The following PDE10A variants were observed in gnomAD, a reference collection of about 807,000 sequenced individuals.
PDE10A encodes phosphodiesterase 10A.
In PDE10A, 39 loss-of-function variants were observed where a neutral mutation model predicts 97.7. The observed-to-expected ratio is 0.40, with a 90% CI of 0.31 to 0.52. PDE10A has a LOEUF of 0.52. Among genes scored for constraint, PDE10A ranks in the 20% least tolerant of loss-of-function variants. The pLI, the probability that PDE10A is intolerant of heterozygous loss-of-function variation, is 0.56. For synonymous variants in PDE10A, 371 were observed against 376.8 expected, an observed-to-expected ratio of 0.98 and a Z score of 0.18; for missense variants, 731 against 1,047.8, an observed-to-expected ratio of 0.70 and a Z score of 4.17.
chr6:165,830,660 A>G (rs1024911629), intron 1 of PDE10A, among the ~76,000 whole-genome samples: 1 of 152,244 alleles, frequency 6.6e-6, no homozygotes, highest in Admixed American at 6.5e-5. Context: ...GTTTGTGTTT[A>G]TGTCTTGTCC....
rs531157169 is a variant in PDE10A, at chr6:165,885,781, C to T, written c.-615+101748G>A. 1.3e-4 allele frequency among the ~76,000 whole-genome samples: 20 copies of T among 152,308 alleles called. No homozygotes were observed. The South Asian group carries it at 3.7e-3, about 28-fold the overall frequency. Reference sequence around the variant, plus strand: ...GCAATGCCAAATGAACAATTATGTTCTGTGTTCCTCTTTTAGAGCTGCACA... The same window carrying T: ...GCAATGCCAAATGAACAATTATGTTTTGTGTTCCTCTTTTAGAGCTGCACA... On this transcript the variant is annotated intron_variant, in intron 1 of 19. Coordinates refer to the PDE10A transcript ENST00000366882.
At chr6:165,805,406 A>ACCAAAT (rs1020409038) in intron 1 of PDE10A, among the ~76,000 whole-genome samples, 1 of 152,012 alleles carries the variant, frequency 6.6e-6, no homozygotes, top group African/African-American at 2.4e-5. Flanking sequence ...AAAAACCAAA[A>ACCAAAT]CCAAATCCAA....
chr6:165,987,697 C>G, exon 1 of PDE10A: 1 of 456,784 alleles, frequency 2.2e-6, no homozygotes, highest in Non-Finnish European at 4.4e-6. Context: ...CAAGAAAGCC[C>G]GCTGGCCAAG....
intron 2 of PDE10A, among the ~76,000 whole-genome samples, chr6:165,483,084 G>A (rs184491041): frequency 6.6e-6 from 1 of 152,320 alleles, no homozygotes; most frequent in East Asian, 1.9e-4. Flanking sequence ...ACAGGTCATT[G>A]ATTCTGATCT....
chr6:165,835,008 G>A (rs1041895432), intron 1 of PDE10A, among the ~76,000 whole-genome samples: 2 of 152,206 alleles, frequency 1.3e-5, no homozygotes, highest in Non-Finnish European at 2.9e-5. Flanking sequence ...GGCAGATGCT[G>A]ACCAAGTCAG....
chr6:165,415,143 T>C (rs190172113), intron 12 of PDE10A, among the ~76,000 whole-genome samples: 15 of 152,348 alleles, frequency 9.8e-5, no homozygotes, highest in South Asian at 8.3e-4. Flanking sequence ...GTCTGACTCA[T>C]ACATTTTTAC....
intron 1 of PDE10A, among the ~76,000 whole-genome samples, chr6:165,712,504 G>A (rs554513694): frequency 6.6e-6 from 1 of 152,106 alleles, no homozygotes; most frequent in South Asian, 2.1e-4. Flanking sequence ...TTAAGAACTT[G>A]TTGGTTGTGA....
At chr6:165,634,311 G>A (rs1788775564) in intron 1 of PDE10A, among the ~76,000 whole-genome samples, 1 of 152,080 alleles carries the variant, frequency 6.6e-6, no homozygotes, top group Non-Finnish European at 1.5e-5. Flanking sequence ...GTATCTGTTG[G>A]TTTCTTGAGA....
intron 1 of PDE10A, among the ~76,000 whole-genome samples, chr6:165,653,833 T>G (rs950982215): frequency 7.2e-6 from 1 of 139,324 alleles, no homozygotes; most frequent in Admixed American, 7.1e-5. Context: ...CTGGACTCAG[T>G]GCGTAAGGAA....
intron 17 of PDE10A, among the ~76,000 whole-genome samples, chr6:165,384,283 G>A (rs906931850): frequency 7.2e-5 from 11 of 151,926 alleles, no homozygotes; most frequent in Non-Finnish European, 1.5e-4. Flanking sequence ...AGTGGTCAGA[G>A]GGGCCAGATT....
chr6:165,825,185 G>T (rs927436050), intron 1 of PDE10A, among the ~76,000 whole-genome samples: 4 of 151,688 alleles, frequency 2.6e-5, no homozygotes, highest in African/African-American at 9.7e-5. Flanking sequence ...AAAAGAAAGG[G>T]GGGCATTTGT....
intron 1 of PDE10A, among the ~76,000 whole-genome samples, chr6:165,685,477 A>G (rs1184379517): frequency 1.3e-5 from 2 of 152,076 alleles, no homozygotes; most frequent in Non-Finnish European, 2.9e-5. Context: ...GCAAACCAAG[A>G]GAAAATCGGA....
chr6:165,529,179 C>T (rs1442050860), intron 2 of PDE10A, among the ~76,000 whole-genome samples: 1 of 152,152 alleles, frequency 6.6e-6, no homozygotes, highest in Non-Finnish European at 1.5e-5. Context: ...AGTCAACAAG[C>T]TAAGAATGGA....
At chr6:165,724,107 C>T (rs575011976) in intron 1 of PDE10A, among the ~76,000 whole-genome samples, 2 of 152,292 alleles carry the variant, frequency 1.3e-5, no homozygotes, top group African/African-American at 4.8e-5. Context: ...TAAATTACCC[C>T]ATTTGTGTGC....
chr6:165,455,631 C>T (rs1777910426), intron 3 of PDE10A, among the ~76,000 whole-genome samples: 1 of 152,216 alleles, frequency 6.6e-6, no homozygotes, highest in South Asian at 2.1e-4. Flanking sequence ...TCTTCCCAAG[C>T]ACTGAGAGCC....
chr6:165,667,535 T>G (rs951491200), upstream of PDE10A, among the ~76,000 whole-genome samples: 2 of 152,054 alleles, frequency 1.3e-5, no homozygotes, highest in Middle Eastern at 3.2e-3. Flanking sequence ...GTAAATAAAA[T>G]TAGTTTTTAA....
At chr6:165,735,926 G>A (rs1354662453) in intron 1 of PDE10A, among the ~76,000 whole-genome samples, 1 of 152,148 alleles carries the variant, frequency 6.6e-6, no homozygotes, top group Non-Finnish European at 1.5e-5. Flanking sequence ...AATCACCAGA[G>A]AAGAAAGATT....
At chr6:165,929,515 G>A (rs1783056485) in intron 1 of PDE10A, among the ~76,000 whole-genome samples, 1 of 152,200 alleles carries the variant, frequency 6.6e-6, no homozygotes, top group Admixed American at 6.5e-5. Context: ...CTGCCCACGG[G>A]ACCCGGAGTG....
intron 1 of PDE10A, among the ~76,000 whole-genome samples, chr6:165,838,968 G>A (rs902949664): frequency 3.9e-5 from 6 of 152,194 alleles, no homozygotes; most frequent in Non-Finnish European, 7.3e-5. Context: ...TTTGCAATCA[G>A]GAACCGTGAC....
Sources: allele counts gnomAD v4.1 joint callset (sites outside exome capture counted in the v4.1 genomes callset), GRCh38; gene constraint gnomAD v4.1.1; transcripts MANE v1.5; gene names NCBI Gene and HGNC (gene_info 2026-07-23, HGNC 2026-07-21).